LYNX1: variants seen among roughly 807,000 people sequenced by gnomAD.
LYNX1 encodes ly-6/neurotoxin-like protein 1.
In LYNX1, 8 loss-of-function variants were observed where a neutral mutation model predicts 8.3. The observed-to-expected ratio is 0.97, with a 90% CI of 0.57 to 1.74. The LOEUF (loss-of-function observed/expected upper bound fraction) is 1.74, where lower values mean the gene tolerates loss of function less well. Among genes scored for constraint, LYNX1 ranks in the 40% most tolerant of loss-of-function variants. The probability of loss-of-function intolerance (pLI) is 0.00; values close to 1 mark genes in which losing one functional copy is unlikely to be tolerated. For missense variants in LYNX1, 158 were observed against 159.7 expected (o/e 0.99, Z 0.06); for synonymous variants, 73 against 67.9 (o/e 1.08, Z -0.37).
intron 1 of LYNX1, chr8:142,776,660 G>C (rs553744005): frequency 1.3e-5 from 2 of 153,282 alleles, no homozygotes; most frequent in South Asian, 2.1e-4. Context: ...CTGAGTCCTC[G>C]GCCACTGCAG....
rs902405254 is a variant in LYNX1, at chr8:142,772,497, G to A, written c.*2670C>T. 37 of 985,360 alleles carry A rather than the reference G, an allele frequency of 3.8e-5. No individual in the cohort carries two copies. The African/African-American group carries it at 6.3e-4, about 17-fold the overall frequency. 61.0% of individuals were successfully genotyped at this position (985,360 alleles called of 1,614,324 possible). A position where few individuals can be genotyped will look rare whatever the true frequency, so the allele number is the denominator to read the frequency against. On this transcript the variant is annotated 3_prime_UTR_variant, in exon 4 of 4. Transcript: ENST00000652477. ...ACCCCAGCTGGTGGGAGAAGCGGCT[G>A]CACTGTGGTGCAGGGGGTGGTGAGT...
intron 2 of LYNX1, 74 bp downstream of exon 2, chr8:142,775,832 G>A (rs1203598894): frequency 3.1e-6 from 5 of 1,593,400 alleles, no homozygotes; most frequent in South Asian, 1.1e-5. Context: ...GGGAATTCTA[G>A]CCTCCTTCCC....
At position 142,776,116 on chromosome 8, in the gene LYNX1, G is replaced by A. The variant is rs938917780; in HGVS notation, c.-159C>T. ...GAGCTCCTGGTCTACTGGGAGTGCT[G>A]CAACCCTGCACAGCAGGTGGCAAAG... On this transcript the variant is annotated 5_prime_UTR_variant, in exon 2 of 4. Transcript: ENST00000652477. The A allele has an allele frequency of 6.3e-6, 5 of 798,400 alleles. No individual in the cohort carries two copies. In the African/African-American group the frequency reaches 6.8e-5, roughly 11 times the overall value. 49.5% of individuals were successfully genotyped at this position (798,400 alleles called of 1,614,324 possible). A position where few individuals can be genotyped will look rare whatever the true frequency, so the allele number is the denominator to read the frequency against.
At chr8:142,775,751 TCCTCCAGCCCATCAGGC>T (rs1815395782) in intron 2 of LYNX1, 57 bp from the exon 3 acceptor site, 1 of 1,537,024 alleles carries the variant, frequency 6.5e-7, no homozygotes, top group African/African-American at 1.4e-5. Context: ...GAGAGGCCCC[TCCTCCAGCCCATCAGGC>T]CCCCAGCCCG....
chr8:142,774,229 C>A lies in LYNX1; in HGVS notation c.*938G>T. 2 of 984,974 alleles carry A rather than the reference C, an allele frequency of 2.0e-6. No homozygotes were observed. The highest frequency in any genetic ancestry group is 2.4e-6 in the Non-Finnish European group (2 of 829,806). The allele number at this position is 984,974 out of a possible 1,614,324, so 61.0% of individuals were successfully genotyped here. A position where few individuals can be genotyped will look rare whatever the true frequency, so the allele number is the denominator to read the frequency against. On this transcript the variant is annotated 3_prime_UTR_variant, in exon 4 of 4. Coordinates refer to ENST00000652477, the MANE Select transcript of LYNX1 (RefSeq NM_177477.4). ...CTCCGCCTTCCCACGCCCAGGCCCG[C>A]GCCGGCCCCAGGCTGCTCCCAACCC...
intron 3 of LYNX1, 110 bp downstream of exon 3, chr8:142,775,483 A>G: frequency 6.4e-7 from 1 of 1,558,690 alleles, no homozygotes; most frequent in Non-Finnish European, 8.7e-7. Context: ...CCCAGACAGG[A>G]TCCGGGAACA....
At chr8:142,776,887 C>G (rs1183531223) in intron 1 of LYNX1, 2 of 152,218 alleles carry the variant, frequency 1.3e-5, no homozygotes, top group Non-Finnish European at 2.9e-5. Flanking sequence ...CCTCGGTCTC[C>G]GTCCTGGAGG....
At position 142,773,407 on chromosome 8, in the gene LYNX1, C is replaced by T; in HGVS notation, c.*1760G>A. The T allele has an allele frequency of 6.1e-6, 6 of 985,746 alleles. No homozygotes were observed. Among genetic ancestry groups the T allele is most frequent in the Non-Finnish European group, 7.2e-6 (6 of 830,192 alleles). 61.1% of individuals were successfully genotyped at this position (985,746 alleles called of 1,614,324 possible). A position where few individuals can be genotyped will look rare whatever the true frequency, so the allele number is the denominator to read the frequency against. The stretch of plus-strand genomic sequence containing the variant: ...ACCCTGTGCTGGCAGCAACTCCTTC[C>T]CAGCTCTGGGCCCAGTATGATGCCC... On this transcript the variant is annotated 3_prime_UTR_variant, in exon 4 of 4. Coordinates refer to ENST00000652477, the MANE Select transcript of LYNX1 (RefSeq NM_177477.4).
chr8:142,776,397 G>A (rs1587617765), intron 1 of LYNX1: 2 of 224,802 alleles, frequency 8.9e-6, no homozygotes, highest in East Asian at 1.9e-4. Context: ...GAAGGAGTAG[G>A]GATGGGCAGA....
rs1346493306 is a variant in LYNX1, at chr8:142,771,930, C to T, written c.*3237G>A. 2.0e-6 allele frequency: 2 copies of T among 985,924 alleles called. No individual in the cohort carries two copies. Among genetic ancestry groups the T allele is most frequent in the Non-Finnish European group, 1.2e-6 (1 of 830,100 alleles). The allele number at this position is 985,924 out of a possible 1,614,324, so 61.1% of individuals were successfully genotyped here. A position where few individuals can be genotyped will look rare whatever the true frequency, so the allele number is the denominator to read the frequency against. On this transcript the variant is annotated 3_prime_UTR_variant, in exon 4 of 4. Transcript: ENST00000652477. ...GTCCCCATGCTGACCTGGCCATGTCCCCAGGTCCCACCCCAGGGTCACTTC... is the reference window on the plus strand; with the variant it reads ...GTCCCCATGCTGACCTGGCCATGTCTCCAGGTCCCACCCCAGGGTCACTTC...
At position 142,772,623 on chromosome 8, in the gene LYNX1, C is replaced by T; in HGVS notation, c.*2544G>A. 1.0e-6 allele frequency: 1 copy of T among 985,600 alleles called. No homozygotes were observed. Among genetic ancestry groups the T allele is most frequent in the South Asian group, 4.7e-5 (1 of 21,292 alleles). 61.1% of individuals were successfully genotyped at this position (985,600 alleles called of 1,614,324 possible). ...GATAATGGCTCCCATTGCCGGGCTG[C>T]TATACAGTGCTCAGGGCCACAGTGC... On this transcript the variant is annotated 3_prime_UTR_variant, in exon 4 of 4. Coordinates refer to ENST00000652477, the MANE Select transcript of LYNX1 (RefSeq NM_177477.4).
upstream of LYNX1, chr8:142,777,223 G>C (rs1405882083): frequency 1.9e-5 from 3 of 154,230 alleles, no homozygotes; most frequent in African/African-American, 7.2e-5. Context: ...CAGCACCCGT[G>C]CCGCATCGCC....
chr8:142,773,935 C>T lies in LYNX1; in HGVS notation c.*1232G>A, dbSNP rs1815287478. On this transcript the variant is annotated 3_prime_UTR_variant, in exon 4 of 4. Transcript: ENST00000652477. ...CCGAATGCCCCATTCACAGCAGGGG[C>T]AGGTGCTCCCTGGGCTACCTGCATC... 1.0e-6 allele frequency: 1 copy of T among 985,402 alleles called. No individual in the cohort carries two copies. Among genetic ancestry groups the T allele is most frequent in the Non-Finnish European group, 1.2e-6 (1 of 829,914 alleles). The allele number at this position is 985,402 out of a possible 1,614,324, so 61.0% of individuals were successfully genotyped here.
chr8:142,772,536 C>T lies in LYNX1; in HGVS notation c.*2631G>A, dbSNP rs587674322. 97 of 985,502 alleles carry T rather than the reference C, an allele frequency of 9.8e-5. No homozygotes were observed. The Admixed American group carries it at 1.0e-3, about 11-fold the overall frequency. 61.0% of individuals were successfully genotyped at this position (985,502 alleles called of 1,614,324 possible). A position where few individuals can be genotyped will look rare whatever the true frequency, so the allele number is the denominator to read the frequency against. On this transcript the variant is annotated 3_prime_UTR_variant, in exon 4 of 4. Transcript: ENST00000652477. Reference sequence around the variant, plus strand: ...GGGGTGGTGAGTGAGCGAGGAGGCACTAGTGTGGGGCAGCTACTTCACCTC... The same window carrying T: ...GGGGTGGTGAGTGAGCGAGGAGGCATTAGTGTGGGGCAGCTACTTCACCTC...
At position 142,771,736 on chromosome 8, in the gene LYNX1, A is replaced by G. The variant is rs1587610403; in HGVS notation, c.*3431T>C. 21 of 985,790 alleles carry G rather than the reference A, an allele frequency of 2.1e-5. No homozygotes were observed. Among genetic ancestry groups the G allele is most frequent in the Non-Finnish European group, 2.5e-5 (21 of 829,896 alleles). The allele number at this position is 985,790 out of a possible 1,614,324, so 61.1% of individuals were successfully genotyped here. ...TTTCAGAGTTTCAGAGTTATGAACCAAATCGCCTTCATGAGAGATGACGAA... is the reference window on the plus strand; with the variant it reads ...TTTCAGAGTTTCAGAGTTATGAACCGAATCGCCTTCATGAGAGATGACGAA... On this transcript the variant is annotated 3_prime_UTR_variant, in exon 4 of 4. Transcript: ENST00000652477.
In LYNX1 at chr8:142,773,074, C is replaced by T; in HGVS notation, c.*2093G>A. The T allele has an allele frequency of 1.0e-6, 1 of 985,552 alleles. No individual in the cohort carries two copies. Among genetic ancestry groups the T allele is most frequent in the Non-Finnish European group, 1.2e-6 (1 of 830,000 alleles). 61.1% of individuals were successfully genotyped at this position (985,552 alleles called of 1,614,324 possible). On this transcript the variant is annotated 3_prime_UTR_variant, in exon 4 of 4. Transcript: ENST00000652477. ...CCTGATCCTGGAGTCCCTCCCAGCCCTGGCTGAGGAAGCCACCCAACCCGA... is the reference window on the plus strand; with the variant it reads ...CCTGATCCTGGAGTCCCTCCCAGCCTTGGCTGAGGAAGCCACCCAACCCGA...
chr8:142,773,058 G>A lies in LYNX1; in HGVS notation c.*2109C>T. Reference sequence around the variant, plus strand: ...CTCGAGACAGGGAGGACCTGATCCTGGAGTCCCTCCCAGCCCTGGCTGAGG... The same window carrying A: ...CTCGAGACAGGGAGGACCTGATCCTAGAGTCCCTCCCAGCCCTGGCTGAGG... On this transcript the variant is annotated 3_prime_UTR_variant, in exon 4 of 4. Coordinates refer to ENST00000652477, the MANE Select transcript of LYNX1 (RefSeq NM_177477.4). 2.0e-6 allele frequency: 2 copies of A among 985,536 alleles called. No homozygotes were observed. The highest frequency in any genetic ancestry group is 2.4e-6 in the Non-Finnish European group (2 of 830,016). The allele number at this position is 985,536 out of a possible 1,614,324, so 61.0% of individuals were successfully genotyped here.
rs1022868299 is a variant in LYNX1, at chr8:142,774,067, G to A, written c.*1100C>T. 4.1e-5 allele frequency: 40 copies of A among 985,244 alleles called. No individual in the cohort carries two copies. Among genetic ancestry groups the A allele is most frequent in the Non-Finnish European group, 4.7e-5 (39 of 829,962 alleles). 61.0% of individuals were successfully genotyped at this position (985,244 alleles called of 1,614,324 possible). A position where few individuals can be genotyped will look rare whatever the true frequency, so the allele number is the denominator to read the frequency against. Reference sequence around the variant, plus strand: ...GGGCTTCCACCCTGCCCTCCCAGTGGGTGCATCCCCAGGTGGAAGGTGATG... The same window carrying A: ...GGGCTTCCACCCTGCCCTCCCAGTGAGTGCATCCCCAGGTGGAAGGTGATG... On this transcript the variant is annotated 3_prime_UTR_variant, in exon 4 of 4. Coordinates refer to ENST00000652477, the MANE Select transcript of LYNX1 (RefSeq NM_177477.4).
Position 142,771,597 on chromosome 8 carries a change from C to T in LYNX1, c.*3570G>A. ...TCCTGAGGGGCTGGCAGATTCAGGCCCTCCCTGCGAGCTGAGGTTTGAAGA... is the reference window on the plus strand; with the variant it reads ...TCCTGAGGGGCTGGCAGATTCAGGCTCTCCCTGCGAGCTGAGGTTTGAAGA... On this transcript the variant is annotated 3_prime_UTR_variant, in exon 4 of 4. Transcript: ENST00000652477. 1.0e-6 allele frequency: 1 copy of T among 985,624 alleles called. No homozygotes were observed. The highest frequency in any genetic ancestry group is 1.2e-6 in the Non-Finnish European group (1 of 829,980). The allele number at this position is 985,624 out of a possible 1,614,324, so 61.1% of individuals were successfully genotyped here.
Sources: gnomAD v4.1 joint callset for allele counts on GRCh38, gnomAD v4.1.1 for gene constraint, MANE v1.5 for transcripts, NCBI Gene and HGNC (gene_info 2026-07-23, HGNC 2026-07-21) for gene names.